Variants in LAMB1 observed in about 807,000 individuals in gnomAD.
LAMB1 encodes the protein laminin subunit beta 1.
Under a neutral mutation model 222.3 loss-of-function variants are expected in LAMB1, and 121 were observed. That is an observed-to-expected ratio of 0.54 (90% confidence interval 0.47 to 0.63). The LOEUF is 0.63. Ranked by LOEUF, LAMB1 falls within the 30% of genes least tolerant of loss-of-function variation. The pLI, the probability that LAMB1 is intolerant of heterozygous loss-of-function variation, is 0.00. For missense variants in LAMB1, 2,172 were observed against 2,240.8 expected (o/e 0.97, Z 0.62); for synonymous variants, 794 against 807.2 (o/e 0.98, Z 0.28).
intron 27 of LAMB1, chr7:107,932,700 T>A: frequency 3.1e-6 from 1 of 322,172 alleles, no homozygotes. Context: ...GGCCAAGGAA[T>A]GCCTTCCTTT....
At chr7:108,001,779 G>C (rs758457042) in intron 2 of LAMB1, 46 bp from the exon 3 acceptor site, 11 of 1,603,046 alleles carry the variant, frequency 6.9e-6, no homozygotes, top group Non-Finnish European at 9.4e-6. Flanking sequence ...CAAGCAGGGA[G>C]TGGAGCCCGA....
intron 22 of LAMB1, among the ~76,000 whole-genome samples, chr7:107,953,221 G>A (rs2116400174): frequency 6.6e-6 from 1 of 152,248 alleles, no homozygotes; most frequent in Middle Eastern, 3.4e-3. Context: ...CCTGGGCATG[G>A]TGGGGGGTGC....
chr7:107,952,139 A>T lies in LAMB1; in HGVS notation c.3164T>A (p.Leu1055Ter), dbSNP rs765249647. 1 of 1,614,066 alleles carries T rather than the reference A, an allele frequency of 6.2e-7. No homozygotes were observed. The highest frequency in any genetic ancestry group is 8.5e-7 in the Non-Finnish European group (1 of 1,179,958). Reference sequence around the variant, plus strand: ...CTGCCCGATCACATTAGGAAGACACAAGCACTGACCAGTGGCTTTGTCGCA... The same window carrying T: ...CTGCCCGATCACATTAGGAAGACACTAGCACTGACCAGTGGCTTTGTCGCA... ...CQCDKATGQCLCLPNVIGQNC... is the reference protein window; with the variant it reads ...CQCDKATGQC The change falls in exon 23 of 34, where the codon TTG becomes TAG. Residue 1055 changes from leucine (L) to a stop codon, truncating the protein, a stop_gained. Coordinates refer to ENST00000222399, the MANE Select transcript of LAMB1 (RefSeq NM_002291.3). LOFTEE classifies it high-confidence loss of function.
Position 107,951,998 on chromosome 7 carries a change from C to T in LAMB1, c.3294+11G>A. 7 of 1,599,254 alleles carry T rather than the reference C, an allele frequency of 4.4e-6. No individual in the cohort carries two copies. Among genetic ancestry groups the T allele is most frequent in the Non-Finnish European group, 6.0e-6 (7 of 1,169,744 alleles). ...CTCATAAAGGCATCATCCCCAGCAG[C>T]AGCCCCTCACCTCATTGCAAGATGG... On this transcript the variant is annotated intron_variant, in intron 23 of 33. Coordinates refer to ENST00000222399, the MANE Select transcript of LAMB1 (RefSeq NM_002291.3).
intron 31 of LAMB1, 73 bp downstream of exon 31, chr7:107,928,991 A>G (rs2032637728): frequency 7.1e-7 from 1 of 1,405,210 alleles, no homozygotes; most frequent in Non-Finnish European, 1.0e-6. Context: ...CTGTTCATAG[A>G]TAACAAATGT....
intron 13 of LAMB1, among the ~76,000 whole-genome samples, chr7:107,965,296 G>A (rs1254602087): frequency 6.6e-6 from 1 of 152,206 alleles, no homozygotes. Context: ...TATAAGAAAT[G>A]CGGCTGGGCA....
chr7:107,929,051 T>G lies in LAMB1; in HGVS notation c.4887+13A>C. ...GGTGTGTTCCCATTCATGTAATGAT[T>G]GTGTATGCCTACCGAAGTTAACAGG... On this transcript the variant is annotated intron_variant, in intron 31 of 33. Coordinates refer to ENST00000222399, the MANE Select transcript of LAMB1 (RefSeq NM_002291.3). 6.2e-7 allele frequency: 1 copy of G among 1,612,660 alleles called. No homozygotes were observed.
In LAMB1 at chr7:107,951,946, C is replaced by A. The variant is rs527686062; in HGVS notation, c.3294+63G>T. ...CCCTGGTGCCTTGCTCTAACTGGGG[C>A]AAAGTCACCATGGGCTGACACCTGA... On this transcript the variant is annotated intron_variant, in intron 23 of 33. Coordinates refer to ENST00000222399, the MANE Select transcript of LAMB1 (RefSeq NM_002291.3). 1.7e-4 allele frequency: 246 copies of A among 1,423,728 alleles called. 1 individual carries two copies. The African/African-American group carries it at 3.1e-3, about 18-fold the overall frequency. 88.2% of individuals were successfully genotyped at this position (1,423,728 alleles called of 1,614,324 possible).
intron 7 of LAMB1, among the ~76,000 whole-genome samples, chr7:107,981,168 C>T (rs906254468): frequency 6.6e-6 from 1 of 152,070 alleles, no homozygotes; most frequent in Non-Finnish European, 1.5e-5. Flanking sequence ...AAAATTAGAC[C>T]GGGCGCGGTG....
chr7:107,928,534 C>A (rs2032623185), intron 31 of LAMB1, among the ~76,000 whole-genome samples: 1 of 151,702 alleles, frequency 6.6e-6, no homozygotes, highest in Non-Finnish European at 1.5e-5. Flanking sequence ...TCTCTGTTGC[C>A]CAGACTGGAG....
intron 7 of LAMB1, 126 bp downstream of exon 7, chr7:107,985,894 TTG>T (rs1165846163): frequency 6.1e-6 from 4 of 660,390 alleles, no homozygotes; most frequent in Non-Finnish European, 1.0e-5. Flanking sequence ...GAGGCGGAGG[TTG>T]CAATGAGCAG....
At chr7:107,951,566 C>T (rs1330606589) in intron 23 of LAMB1, among the ~76,000 whole-genome samples, 1 of 152,162 alleles carries the variant, frequency 6.6e-6, no homozygotes, top group Non-Finnish European at 1.5e-5. Flanking sequence ...TACATATTTC[C>T]TCACTTTTAT....
At chr7:107,959,881 A>G (rs1562989981) in intron 18 of LAMB1, 47 bp from the exon 19 acceptor site, 1 of 1,588,996 alleles carries the variant, frequency 6.3e-7, no homozygotes. Context: ...GCAGCACATC[A>G]TCGGGCTCTC....
chr7:107,941,655 AT>A (rs35218754), intron 24 of LAMB1, among the ~76,000 whole-genome samples: 82,084 of 143,422 alleles, frequency 0.57, 23,271 homozygotes, highest in East Asian at 0.84. Context: ...GCTTTCTCGG[AT>A]TTTTTTTTTT....
At chr7:107,938,257 A>T (rs1397188016) in intron 25 of LAMB1, among the ~76,000 whole-genome samples, 1 of 152,232 alleles carries the variant, frequency 6.6e-6, no homozygotes, top group Non-Finnish European at 1.5e-5. Flanking sequence ...AAGAAAAAGT[A>T]CTTAAAGGGA....
chr7:107,948,282 C>T (rs554562257), intron 24 of LAMB1, among the ~76,000 whole-genome samples: 18 of 152,198 alleles, frequency 1.2e-4, no homozygotes, highest in African/African-American at 3.6e-4. Flanking sequence ...CCACCGTGCC[C>T]GGCTAACATT....
At chr7:107,943,102 C>A (rs1414461439) in intron 24 of LAMB1, among the ~76,000 whole-genome samples, 1 of 152,130 alleles carries the variant, frequency 6.6e-6, no homozygotes, top group Admixed American at 6.6e-5. Flanking sequence ...TTTAGGCAAA[C>A]CATGGATAAC....
chr7:107,977,587 A>G (rs1334027654), intron 9 of LAMB1, among the ~76,000 whole-genome samples: 1 of 152,090 alleles, frequency 6.6e-6, no homozygotes, highest in African/African-American at 2.4e-5. Flanking sequence ...CAGGAGTTCA[A>G]GACCAGCCTG....
At chr7:107,995,223 G>A (rs988930169) in intron 4 of LAMB1, among the ~76,000 whole-genome samples, 3 of 152,138 alleles carry the variant, frequency 2.0e-5, no homozygotes, top group Non-Finnish European at 2.9e-5. Context: ...AAGACATCTG[G>A]CAGAGTGCCT....
Sources: gnomAD v4.1 joint callset for allele counts (sites outside exome capture counted in the v4.1 genomes callset) on GRCh38, gnomAD v4.1.1 for gene constraint, MANE v1.5 for transcripts, NCBI Gene and HGNC (gene_info 2026-07-23, HGNC 2026-07-21) for gene names.